DOCK4: variants seen among roughly 807,000 people sequenced by gnomAD.
The protein encoded by DOCK4 is dedicator of cytokinesis protein 4.
DOCK4 carries 97 observed loss-of-function variants against 268.1 expected under a neutral mutation model. The observed-to-expected ratio is 0.36, with a 90% CI of 0.31 to 0.43. The LOEUF is 0.43. DOCK4 is among the 20% of genes least tolerant of loss of function. The pLI is 1.00. For missense variants in DOCK4, 2,145 were observed against 2,455.7 expected (o/e 0.87, Z 2.67); for synonymous variants, 954 against 887.2 (o/e 1.08, Z -1.34).
At chr7:112,149,729 C>T (rs1815878417) in intron 1 of DOCK4, among the ~76,000 whole-genome samples, 1 of 152,182 alleles carries the variant, frequency 6.6e-6, no homozygotes, top group Non-Finnish European at 1.5e-5. Flanking sequence ...TTCAGTACAT[C>T]TGGAAAACGG....
intron 44 of DOCK4, among the ~76,000 whole-genome samples, chr7:111,746,047 A>G (rs1796245090): frequency 6.6e-6 from 1 of 152,190 alleles, no homozygotes; most frequent in African/African-American, 2.4e-5. Flanking sequence ...TCTTATGTAT[A>G]TGCAAATATT....
chr7:111,761,576 A>G (rs981557679), intron 39 of DOCK4, among the ~76,000 whole-genome samples: 3 of 152,134 alleles, frequency 2.0e-5, no homozygotes, highest in East Asian at 1.9e-4. Context: ...CTGAGGTCCA[A>G]GGTTTTCTCT....
intron 8 of DOCK4, among the ~76,000 whole-genome samples, chr7:111,948,390 G>C (rs2134847668): frequency 1.3e-5 from 2 of 152,188 alleles, no homozygotes; most frequent in South Asian, 4.1e-4. Flanking sequence ...GAAATATCGA[G>C]TAAATATTTC....
In DOCK4 at chr7:111,728,634, G is replaced by T; in HGVS notation, c.5568C>A (p.Tyr1856Ter). The T allele has an allele frequency of 6.2e-7, 1 of 1,614,042 alleles. No individual in the cohort carries two copies. Among genetic ancestry groups the T allele is most frequent in the South Asian group, 1.1e-5 (1 of 91,086 alleles). Residue 1856 changes from tyrosine (Y) to a stop codon, truncating the protein, a stop_gained, in exon 53 of 53, where the codon TAC becomes TAA. Coordinates refer to ENST00000428084, the MANE Select transcript of DOCK4 (RefSeq NM_001363540.2). LOFTEE classifies it high-confidence loss of function. ...ISNSPVLSGS[Y>*]SSGISSLSRC... ...GGCTGAGAGAAGAAATCCCACTGCT[G>T]TAGCTGCCCGACAAGACAGGGGAGT... is the stretch of plus-strand genomic sequence containing the variant.
At chr7:111,873,950 T>C (rs1457435049) in intron 17 of DOCK4, among the ~76,000 whole-genome samples, 5 of 152,188 alleles carry the variant, frequency 3.3e-5, no homozygotes, top group African/African-American at 1.2e-4. Context: ...ATGTTGACTA[T>C]TCAGATGTAA....
At chr7:111,738,830 C>T (rs1228475759) in intron 49 of DOCK4, among the ~76,000 whole-genome samples, 4 of 152,066 alleles carry the variant, frequency 2.6e-5, no homozygotes, top group South Asian at 4.2e-4. Flanking sequence ...CCCAACTACT[C>T]GGGAGGCTGA....
chr7:112,079,934 T>C (rs1029141723), intron 1 of DOCK4, among the ~76,000 whole-genome samples: 3 of 152,148 alleles, frequency 2.0e-5, no homozygotes, highest in African/African-American at 7.2e-5. Context: ...GAATAATGGG[T>C]ATAAATCTTA....
rs80200328 is a variant in DOCK4, at chr7:111,830,575, A to T, written c.2835+4013T>A. Among the ~76,000 whole-genome samples, 8 of 152,258 alleles carry T rather than the reference A, an allele frequency of 5.3e-5. No homozygotes were observed. In the East Asian group the frequency reaches 1.5e-3, roughly 29 times the overall value. On this transcript the variant is annotated intron_variant, in intron 26 of 52. Coordinates refer to ENST00000428084, the MANE Select transcript of DOCK4 (RefSeq NM_001363540.2). ...AAGAATCTTAGTCCCAGTCAAGGAT[A>T]ATTCTGTCCCTTCCTGCTGCCTTCT...
At chr7:112,023,712 C>G (rs1404380542) in intron 1 of DOCK4, 6 of 436,486 alleles carry the variant, frequency 1.4e-5, no homozygotes, top group Non-Finnish European at 2.7e-5. Context: ...GTGCTCCATC[C>G]CTGAAAGGGG....
intron 16 of DOCK4, among the ~76,000 whole-genome samples, chr7:111,880,570 T>G (rs1054325965): frequency 6.6e-6 from 1 of 152,134 alleles, no homozygotes; most frequent in Non-Finnish European, 1.5e-5. Context: ...TATAATGCCG[T>G]AATTGTGGTG....
intron 1 of DOCK4, among the ~76,000 whole-genome samples, chr7:112,072,399 G>A (rs937975893): frequency 1.3e-5 from 2 of 152,234 alleles, no homozygotes; most frequent in Non-Finnish European, 2.9e-5. Context: ...AGGGTCAGAT[G>A]TGTTGTGTAA....
chr7:112,061,635 C>A (rs1024201161), intron 1 of DOCK4, among the ~76,000 whole-genome samples: 5 of 152,098 alleles, frequency 3.3e-5, no homozygotes, highest in African/African-American at 1.2e-4. Flanking sequence ...CTCTTAAACA[C>A]ACCCAATTTT....
chr7:111,781,286 G>C (rs3801777), intron 35 of DOCK4, among the ~76,000 whole-genome samples: 18,023 of 152,206 alleles, frequency 0.12, 1,838 homozygotes, highest in East Asian at 0.53. Flanking sequence ...AAGACCTAAA[G>C]CTTATCAAGC....
intron 34 of DOCK4, among the ~76,000 whole-genome samples, chr7:111,783,193 T>C (rs1798906387): frequency 1.3e-5 from 2 of 152,162 alleles, no homozygotes; most frequent in Non-Finnish European, 2.9e-5. Flanking sequence ...GTCAAGATTA[T>C]GCTCCCTCTC....
At chr7:111,882,787 T>C (rs1807510207) in intron 16 of DOCK4, among the ~76,000 whole-genome samples, 1 of 152,118 alleles carries the variant, frequency 6.6e-6, no homozygotes, top group Non-Finnish European at 1.5e-5. Context: ...TAATTTTGTA[T>C]GTTTAGTAGA....
intron 1 of DOCK4, among the ~76,000 whole-genome samples, chr7:112,155,095 T>C (rs558472770): frequency 2.0e-5 from 3 of 152,312 alleles, no homozygotes; most frequent in Admixed American, 1.3e-4. Context: ...GACAAGGAAA[T>C]TGATAAAACT....
intron 1 of DOCK4, among the ~76,000 whole-genome samples, chr7:112,151,550 G>C (rs536485096): frequency 3.4e-4 from 51 of 152,206 alleles, no homozygotes; most frequent in Non-Finnish European, 6.2e-4. Context: ...ACTGGATCTA[G>C]AGCTCGTCAC....
intron 1 of DOCK4, among the ~76,000 whole-genome samples, chr7:112,044,462 G>A (rs1020243861): frequency 6.6e-6 from 1 of 152,066 alleles, no homozygotes; most frequent in Non-Finnish European, 1.5e-5. Flanking sequence ...CACTCATCAA[G>A]GTATGTAAGT....
Position 111,760,219 on chromosome 7 carries a change from T to A in DOCK4, c.4124A>T (p.Asn1375Ile). 1 of 1,614,004 alleles carries A rather than the reference T, an allele frequency of 6.2e-7. No individual in the cohort carries two copies. The highest frequency in any genetic ancestry group is 2.2e-5 in the East Asian group (1 of 44,884). The change falls in exon 40 of 53, where the codon AAC (asparagine) becomes ATC (isoleucine). Residue 1375 changes from asparagine to isoleucine, a missense_variant. Coordinates refer to ENST00000428084, the MANE Select transcript of DOCK4 (RefSeq NM_001363540.2). Reference protein sequence around the residue: ...FPHAIAMQHANQPDETIFQAE... With the variant: ...FPHAIAMQHAIQPDETIFQAE... The stretch of plus-strand genomic sequence containing the variant: ...CTGGAAGATGGTCTCATCGGGCTGG[T>A]TGGCGTGCTGCATGGCGATGGCATG...
Sources: allele counts gnomAD v4.1 joint callset (sites outside exome capture counted in the v4.1 genomes callset), GRCh38; gene constraint gnomAD v4.1.1; transcripts MANE v1.5; gene names NCBI Gene and HGNC (gene_info 2026-07-23, HGNC 2026-07-21).